The following TLN2 variants were observed in gnomAD, a reference collection of about 807,000 sequenced individuals.
The protein encoded by TLN2 is talin 2.
In TLN2, 118 loss-of-function variants were observed where a neutral mutation model predicts 294.7. The observed-to-expected ratio is 0.40, with a 90% CI of 0.34 to 0.47. TLN2 has a LOEUF of 0.47. TLN2 is among the 20% of genes least tolerant of loss of function. The probability of loss-of-function intolerance (pLI) is 0.84; values close to 1 mark genes in which losing one functional copy is unlikely to be tolerated. For synonymous variants in TLN2, 1,431 were observed against 1,304.5 expected (o/e 1.10, Z -2.09); for missense variants, 3,083 against 3,282.2 (o/e 0.94, Z 1.48).
chr15:62,800,230 A>T (rs2065833314), intron 48 of TLN2, 138 bp from the exon 49 acceptor site: 1 of 1,366,384 alleles, frequency 7.3e-7, no homozygotes, highest in African/African-American at 1.5e-5. Flanking sequence ...GCTTCCCAGG[A>T]GGTCTGCCAT....
intron 46 of TLN2, 143 bp from the exon 47 acceptor site, chr15:62,795,984 C>A: frequency 1.9e-6 from 2 of 1,074,898 alleles, no homozygotes; most frequent in Non-Finnish European, 2.6e-6. Context: ...GGTATCCAGA[C>A]TGAGGCCGTT....
At chr15:62,673,202 T>A (rs2055665610) in intron 9 of TLN2, among the ~76,000 whole-genome samples, 2 of 151,180 alleles carry the variant, frequency 1.3e-5, no homozygotes, top group African/African-American at 4.8e-5. Context: ...TTACAAGGGA[T>A]ACACAGTCAA....
chr15:62,636,074 C>A (rs868155312), intron 3 of TLN2, among the ~76,000 whole-genome samples: 3 of 152,014 alleles, frequency 2.0e-5, no homozygotes, highest in African/African-American at 7.3e-5. Flanking sequence ...CAGTGCCAGG[C>A]GCGTAATCAC....
At chr15:62,493,666 A>C (rs2038869009) in intron 1 of TLN2, among the ~76,000 whole-genome samples, 1 of 145,636 alleles carries the variant, frequency 6.9e-6, no homozygotes, top group African/African-American at 2.5e-5. Flanking sequence ...GCTGGAGTGC[A>C]GGGGCACAAT....
chr15:62,411,222 G>T (rs1022754576), intron 1 of TLN2, among the ~76,000 whole-genome samples: 1 of 152,146 alleles, frequency 6.6e-6, no homozygotes, highest in Non-Finnish European at 1.5e-5. Context: ...GGAACCCACC[G>T]CATAGTGGCC....
intron 1 of TLN2, among the ~76,000 whole-genome samples, chr15:62,529,104 T>G (rs2414775): frequency 0.17 from 25,414 of 151,402 alleles, 2,204 homozygotes; most frequent in Admixed American, 0.21. Flanking sequence ...CTTTTTTTTT[T>G]TGTGTGTGTG....
chr15:62,602,731 C>G (rs1354055206), intron 2 of TLN2, among the ~76,000 whole-genome samples: 3 of 152,136 alleles, frequency 2.0e-5, no homozygotes, highest in African/African-American at 7.2e-5. Flanking sequence ...TATAATGGCA[C>G]TAATTCCATG....
intron 50 of TLN2, among the ~76,000 whole-genome samples, chr15:62,801,868 T>C (rs1175008415): frequency 3.3e-5 from 5 of 152,238 alleles, no homozygotes; most frequent in Non-Finnish European, 7.3e-5. Context: ...AGGAGTTACA[T>C]GAAATATTTT....
At chr15:62,812,552 G>T (rs780474028) in intron 52 of TLN2, among the ~76,000 whole-genome samples, 1 of 152,134 alleles carries the variant, frequency 6.6e-6, no homozygotes, top group Non-Finnish European at 1.5e-5. Context: ...TTCTTTCTTC[G>T]TAAGGAAGGG....
rs369538823 is a variant in TLN2 at position 62,678,290 on chromosome 15, A to G, written c.957+2969A>G. Among the ~76,000 whole-genome samples the G allele has an allele frequency of 8.5e-5, 13 of 152,314 alleles. No individual in the cohort carries two copies. The East Asian group carries it at 1.5e-3, about 18-fold the overall frequency. ...TAGTTTGCCTTATTTTAAAAGTGGT[A>G]TAGCTAAAAAATTCAGGAATGAGTC... On this transcript the variant is annotated intron_variant, in intron 11 of 58. Coordinates refer to ENST00000636159, the MANE Select transcript of TLN2 (RefSeq NM_015059.3).
chr15:62,426,651 G>A (rs1321774578), intron 1 of TLN2, among the ~76,000 whole-genome samples: 1 of 152,208 alleles, frequency 6.6e-6, no homozygotes, highest in Non-Finnish European at 1.5e-5. Flanking sequence ...GGGTGTGCTG[G>A]GAGTGAGCTG....
intron 22 of TLN2, among the ~76,000 whole-genome samples, chr15:62,712,569 A>G (rs554552728): frequency 5.9e-4 from 89 of 152,098 alleles, no homozygotes; most frequent in Admixed American, 4.8e-3. Context: ...GAGTTCCTTT[A>G]TGCTTTTTGA....
At chr15:62,775,192 G>C (rs949078444) in intron 42 of TLN2, among the ~76,000 whole-genome samples, 1 of 151,750 alleles carries the variant, frequency 6.6e-6, no homozygotes, top group African/African-American at 2.4e-5. Context: ...TCCTGACCTC[G>C]TAATCCACCT....
chr15:62,484,466 C>T (rs1382461996), intron 1 of TLN2, among the ~76,000 whole-genome samples: 2 of 151,860 alleles, frequency 1.3e-5, no homozygotes, highest in East Asian at 1.9e-4. Flanking sequence ...TGCCCTGTGG[C>T]TCAGGCTGGA....
chr15:62,695,735 T>G lies in TLN2; in HGVS notation c.1292+1343T>G, dbSNP rs192583515. Among the ~76,000 whole-genome samples, 30 of 152,338 alleles carry G rather than the reference T, an allele frequency of 2.0e-4. No individual in the cohort carries two copies. In the East Asian group the frequency reaches 5.6e-3, roughly 28 times the overall value. On this transcript the variant is annotated intron_variant, in intron 14 of 58. Coordinates refer to ENST00000636159, the MANE Select transcript of TLN2 (RefSeq NM_015059.3). ...GGAACCAAACTTGATATGATAAGTT[T>G]CTAGTACTTGCCACCCTTGGGCAGA...
intron 43 of TLN2, among the ~76,000 whole-genome samples, chr15:62,780,189 T>C (rs990441118): frequency 5.9e-5 from 9 of 152,218 alleles, no homozygotes; most frequent in Non-Finnish European, 1.3e-4. Flanking sequence ...CTGCCTGTAT[T>C]AATTTCTGTT....
chr15:62,647,242 G>T lies in TLN2; in HGVS notation c.-36-33G>T, dbSNP rs552556907. The T allele has an allele frequency of 9.2e-6, 14 of 1,515,874 alleles. No individual in the cohort carries two copies. In the African/African-American group the frequency reaches 1.1e-4, roughly 12 times the overall value. The allele number at this position is 1,515,874 out of a possible 1,614,324, so 93.9% of individuals were successfully genotyped here. ...TTTCCCCAAGACAAATTATTATCGT[G>T]AACATCAGGGTTTGTCTCTTTGTGT... On this transcript the variant is annotated intron_variant, in intron 3 of 58. Coordinates refer to ENST00000636159, the MANE Select transcript of TLN2 (RefSeq NM_015059.3).
chr15:62,524,017 A>G (rs1052268154), intron 1 of TLN2, among the ~76,000 whole-genome samples: 6 of 152,238 alleles, frequency 3.9e-5, no homozygotes, highest in African/African-American at 7.2e-5. Flanking sequence ...TGCTGCTCCT[A>G]TGTCCTTTTG....
At position 62,601,224 on chromosome 15, in the gene TLN2, A is replaced by T. The variant is rs535501750; in HGVS notation, c.-162+11462A>T. ...GTCACAACTGGGGGATGCTACTGAG[A>T]TTGAGTGGGTAGAGGCCACAGATGC... is the stretch of plus-strand genomic sequence containing the variant. On this transcript the variant is annotated intron_variant, in intron 2 of 58. Transcript: ENST00000636159. 2.0e-5 allele frequency among the ~76,000 whole-genome samples: 3 copies of T among 152,258 alleles called. No individual in the cohort carries two copies. The East Asian group carries it at 5.8e-4, about 29-fold the overall frequency.
Sources: gnomAD v4.1 joint callset for allele counts (sites outside exome capture counted in the v4.1 genomes callset) on GRCh38, gnomAD v4.1.1 for gene constraint, MANE v1.5 for transcripts, NCBI Gene and HGNC (gene_info 2026-07-23, HGNC 2026-07-21) for gene names.